Variants in PDE11A observed in about 807,000 individuals in gnomAD.
The protein encoded by PDE11A is phosphodiesterase 11A, also known as dual 3',5'-cyclic-AMP and -GMP phosphodiesterase 11A.
A neutral mutation model predicts 100.5 loss-of-function variants in PDE11A; 100 were observed. The observed-to-expected ratio is 1.00, with a 90% CI of 0.85 to 1.18. The LOEUF (loss-of-function observed/expected upper bound fraction) is 1.18, where lower values mean the gene tolerates loss of function less well. Ranked by LOEUF, PDE11A falls within the 50% of genes most tolerant of loss-of-function variation. The pLI, the probability that PDE11A is intolerant of heterozygous loss-of-function variation, is 0.00. For synonymous variants in PDE11A, 381 were observed against 420.8 expected, an observed-to-expected ratio of 0.91 and a Z score of 1.16; for missense variants, 1,141 against 1,152.6, an observed-to-expected ratio of 0.99 and a Z score of 0.15.
At chr2:177,712,945 T>C (rs1381051838) in intron 12 of PDE11A, among the ~76,000 whole-genome samples, 3 of 152,114 alleles carry the variant, frequency 2.0e-5, no homozygotes, top group Non-Finnish European at 4.4e-5. Flanking sequence ...AAAATGAAAA[T>C]TTTGTTTTTA....
intron 2 of PDE11A, among the ~76,000 whole-genome samples, chr2:177,968,842 T>C (rs544907203): frequency 2.6e-4 from 39 of 152,324 alleles, no homozygotes; most frequent in Middle Eastern, 3.4e-3. Context: ...AGTTCAACCA[T>C]TGTGTAAGAC....
chr2:177,712,861 G>A (rs1020397610), intron 12 of PDE11A, among the ~76,000 whole-genome samples: 1 of 152,070 alleles, frequency 6.6e-6, no homozygotes, highest in African/African-American at 2.4e-5. Flanking sequence ...GGTACAAATT[G>A]CTTCACTTTT....
chr2:177,787,298 A>G (rs774768988), intron 9 of PDE11A, among the ~76,000 whole-genome samples: 4,874 of 150,684 alleles, frequency 0.032, 121 homozygotes, highest in Non-Finnish European at 0.048. Flanking sequence ...AAGCTTCATA[A>G]GTGAAGGAGA....
rs536142679 is a variant in PDE11A, at chr2:177,857,170, G to C, written c.1368-16787C>G. Among the ~76,000 whole-genome samples the C allele has an allele frequency of 4.6e-4, 70 of 151,954 alleles. No homozygotes were observed. The South Asian group carries it at 0.012, about 26-fold the overall frequency. On this transcript the variant is annotated intron_variant, in intron 5 of 19. Transcript: ENST00000286063. ...TATATCCACAGTACCAAAAGGAAAA[G>C]ACTATGAACCAAGAATTCTATATCC...
chr2:177,956,522 A>G (rs2085564885), intron 2 of PDE11A, among the ~76,000 whole-genome samples: 1 of 152,222 alleles, frequency 6.6e-6, no homozygotes, highest in Non-Finnish European at 1.5e-5. Flanking sequence ...GGGATCTAGA[A>G]CTAGAAATAC....
At chr2:177,674,892 G>T (rs3770013) in intron 17 of PDE11A, among the ~76,000 whole-genome samples, 2 of 151,796 alleles carry the variant, frequency 1.3e-5, no homozygotes, top group Non-Finnish European at 2.9e-5. Context: ...GTAATCCCTG[G>T]TCTTCAGTTG....
At chr2:177,804,200 T>G (rs1243968955) in intron 9 of PDE11A, among the ~76,000 whole-genome samples, 1 of 151,782 alleles carries the variant, frequency 6.6e-6, no homozygotes, top group Non-Finnish European at 1.5e-5. Flanking sequence ...AGTTTCCAAA[T>G]TATGCATCTG....
intron 2 of PDE11A, among the ~76,000 whole-genome samples, chr2:177,940,176 A>G (rs552315782): frequency 1.8e-4 from 28 of 152,306 alleles, no homozygotes; most frequent in Non-Finnish European, 2.9e-5. Flanking sequence ...TGGGTTTACT[A>G]TACTATTTTA....
chr2:177,703,647 C>T (rs1458777854), intron 13 of PDE11A, among the ~76,000 whole-genome samples: 2 of 152,154 alleles, frequency 1.3e-5, no homozygotes, highest in African/African-American at 2.4e-5. Flanking sequence ...AGTCAAGATA[C>T]AAAATGTTAT....
At chr2:177,658,957 C>T (rs890445835) in intron 19 of PDE11A, among the ~76,000 whole-genome samples, 2 of 151,874 alleles carry the variant, frequency 1.3e-5, no homozygotes, top group African/African-American at 2.4e-5. Context: ...TTCAAAATGA[C>T]CATTAAAAGT....
At chr2:177,829,186 G>A (rs997588340) in intron 6 of PDE11A, among the ~76,000 whole-genome samples, 26 of 152,004 alleles carry the variant, frequency 1.7e-4, no homozygotes, top group African/African-American at 5.3e-4. Flanking sequence ...ACAGAGAGAG[G>A]AGCAGGCTTG....
intron 4 of PDE11A, among the ~76,000 whole-genome samples, chr2:177,878,328 C>T (rs2084274434): frequency 6.6e-6 from 1 of 152,176 alleles, no homozygotes; most frequent in African/African-American, 2.4e-5. Flanking sequence ...GGATCTACGT[C>T]CTCTCTCCTT....
intron 5 of PDE11A, among the ~76,000 whole-genome samples, chr2:177,844,505 A>G (rs1388034785): frequency 6.6e-6 from 1 of 151,526 alleles, no homozygotes; most frequent in East Asian, 1.9e-4. Flanking sequence ...CACCAGCTCA[A>G]TTTTGGAATT....
intron 14 of PDE11A, among the ~76,000 whole-genome samples, chr2:177,700,002 G>T (rs2081173463): frequency 6.6e-6 from 1 of 152,174 alleles, no homozygotes; most frequent in Non-Finnish European, 1.5e-5. Flanking sequence ...ACACAGAAAA[G>T]ATAGTTTGAA....
intron 13 of PDE11A, among the ~76,000 whole-genome samples, chr2:177,704,011 C>A (rs985891489): frequency 1.3e-5 from 2 of 152,218 alleles, no homozygotes; most frequent in African/African-American, 2.4e-5. Flanking sequence ...TTCTGCCCAG[C>A]CTCACACAAT....
chr2:177,956,675 G>A (rs1474305094), intron 2 of PDE11A, among the ~76,000 whole-genome samples: 1 of 152,152 alleles, frequency 6.6e-6, no homozygotes, highest in Non-Finnish European at 1.5e-5. Context: ...GTCCAACAAC[G>A]ATAGACTGGA....
chr2:178,079,892 T>C (rs1165427154), intron 2 of PDE11A, among the ~76,000 whole-genome samples: 2 of 152,244 alleles, frequency 1.3e-5, no homozygotes, highest in African/African-American at 4.8e-5. Flanking sequence ...ATTTCTCTAA[T>C]GGTCAGTGAT....
At chr2:177,909,020 T>A (rs1034660556) in intron 2 of PDE11A, among the ~76,000 whole-genome samples, 12 of 152,214 alleles carry the variant, frequency 7.9e-5, no homozygotes, top group African/African-American at 2.9e-4. Flanking sequence ...AATTTAGTCC[T>A]GACAGATGAA....
At chr2:178,079,564 TTTC>T (rs1410562522) in intron 2 of PDE11A, among the ~76,000 whole-genome samples, 1 of 152,168 alleles carries the variant, frequency 6.6e-6, no homozygotes, top group Non-Finnish European at 1.5e-5. Flanking sequence ...ATTGATTCCA[TTTC>T]TTTACTATTG....
Sources: allele counts gnomAD v4.1 joint callset (sites outside exome capture counted in the v4.1 genomes callset), GRCh38; gene constraint gnomAD v4.1.1; transcripts MANE v1.5; gene names NCBI Gene and HGNC (gene_info 2026-07-23, HGNC 2026-07-21).